Variants in PTPN3 observed in about 807,000 individuals in gnomAD.
The protein encoded by PTPN3 is protein tyrosine phosphatase non-receptor type 3.
A neutral mutation model predicts 132.7 loss-of-function variants in PTPN3; 96 were observed. That is an observed-to-expected ratio of 0.72 (90% CI 0.61 to 0.86). PTPN3 has a LOEUF of 0.86. PTPN3 is among the 40% of genes least tolerant of loss of function. PTPN3 has a pLI of 0.00. For synonymous variants in PTPN3, 398 were observed against 429.0 expected (o/e 0.93, Z 0.89); for missense variants, 1,125 against 1,159.6 (o/e 0.97, Z 0.43).
At chr9:109,478,719 A>C (rs1846811287) in intron 1 of PTPN3, among the ~76,000 whole-genome samples, 1 of 152,214 alleles carries the variant, frequency 6.6e-6, no homozygotes, top group Admixed American at 6.5e-5. Flanking sequence ...CAGGTAGAAC[A>C]ATCTTTTACA....
At chr9:109,477,903 T>C (rs1340886869) in intron 1 of PTPN3, among the ~76,000 whole-genome samples, 1 of 152,220 alleles carries the variant, frequency 6.6e-6, no homozygotes, top group Non-Finnish European at 1.5e-5. Context: ...ATAAGACTCT[T>C]GCTCACTCAC....
chr9:109,386,155 G>A (rs1839565750), intron 22 of PTPN3, among the ~76,000 whole-genome samples: 2 of 152,190 alleles, frequency 1.3e-5, no homozygotes, highest in Admixed American at 1.3e-4. Flanking sequence ...ATGAAGATGA[G>A]ATAGGAACTT....
intron 14 of PTPN3, among the ~76,000 whole-genome samples, chr9:109,416,443 TTTTGTTTC>T (rs1564415446): frequency 1.4e-5 from 2 of 141,368 alleles, no homozygotes; most frequent in African/African-American, 2.6e-5. Flanking sequence ...TTTTTTGTTT[TTTTGTTTC>T]TTTTTTTTTT....
intron 2 of PTPN3, among the ~76,000 whole-genome samples, chr9:109,461,939 C>T (rs1845862018): frequency 6.6e-6 from 1 of 152,170 alleles, no homozygotes; most frequent in Non-Finnish European, 1.5e-5. Context: ...AGAAACAGGT[C>T]ACAGGTATAC....
the PTPN3 span, among the ~76,000 whole-genome samples, chr9:109,536,461 T>G: frequency 6.6e-6 from 1 of 152,186 alleles, no homozygotes. Context: ...AATAATAGAG[T>G]ACATTCAAGA....
In PTPN3 at chr9:109,410,050, G is replaced by A. The variant is rs1039716410; in HGVS notation, c.1527C>T (p.Val509=). ...DKNDNGDSYL[V]LIRITPDEDG... Reference sequence around the variant, plus strand: ...CTTCATCTGGTGTGATACGGATCAAGACTAAGTAGCTGTCACCATTATCAT... The same window carrying A: ...CTTCATCTGGTGTGATACGGATCAAAACTAAGTAGCTGTCACCATTATCAT... Residue 509 remains valine, a synonymous_variant, in exon 16 of 26, where the codon GTC becomes GTT. Transcript: ENST00000374541. 1.9e-6 allele frequency: 3 copies of A among 1,614,088 alleles called. No individual in the cohort carries two copies. Among genetic ancestry groups the A allele is most frequent in the Non-Finnish European group, 2.5e-6 (3 of 1,180,042 alleles).
chr9:109,437,992 C>A, intron 8 of PTPN3, 122 bp downstream of exon 8: 5 of 1,249,052 alleles, frequency 4.0e-6, no homozygotes, highest in Non-Finnish European at 5.4e-6. Flanking sequence ...GTTCAAAAAC[C>A]CCCGACATCT....
chr9:109,508,861 C>G, the PTPN3 span, among the ~76,000 whole-genome samples: 1 of 152,028 alleles, frequency 6.6e-6, no homozygotes, highest in East Asian at 1.9e-4. Context: ...TGTCCCCCCC[C>G]CACCCACCAA....
chr9:109,450,140 T>G (rs923052419), intron 5 of PTPN3: 1 of 984,344 alleles, frequency 1.0e-6, no homozygotes, highest in Non-Finnish European at 1.2e-6. Flanking sequence ...TTAGGATCCA[T>G]GTCGTAACTC....
At chr9:109,401,577 A>T (rs534907892) in intron 19 of PTPN3, among the ~76,000 whole-genome samples, 2 of 152,316 alleles carry the variant, frequency 1.3e-5, no homozygotes, top group African/African-American at 4.8e-5. Flanking sequence ...TGCGTGAAGG[A>T]GGTTTCATGA....
intron 8 of PTPN3, 70 bp from the exon 9 acceptor site, chr9:109,437,040 T>C: frequency 6.3e-7 from 1 of 1,596,316 alleles, no homozygotes; most frequent in South Asian, 1.1e-5. Context: ...TTTTAAAAAA[T>C]CTAGAACATT....
the PTPN3 span, among the ~76,000 whole-genome samples, chr9:109,508,150 CT>C: frequency 6.9e-6 from 1 of 144,856 alleles, no homozygotes; most frequent in Non-Finnish European, 1.5e-5. Context: ...AGTATTTGAT[CT>C]GTTTCTCTCT....
At chr9:109,533,448 T>A in the PTPN3 span, 2,236 of 1,485,184 alleles carry the variant, frequency 1.5e-3, 23 homozygotes, top group African/African-American at 0.027. Context: ...ACCTGGCCGG[T>A]TTAGGGTTTT....
the PTPN3 span, among the ~76,000 whole-genome samples, chr9:109,512,182 G>A: frequency 5.3e-4 from 80 of 152,254 alleles, no homozygotes; most frequent in African/African-American, 1.8e-3. Context: ...CCACCTGGCC[G>A]TGCATCAGAA....
intron 1 of PTPN3, among the ~76,000 whole-genome samples, chr9:109,497,696 G>A (rs900578716): frequency 3.9e-5 from 6 of 152,184 alleles, no homozygotes; most frequent in African/African-American, 1.4e-4. Flanking sequence ...CGCGGAACGG[G>A]GAGGATTTAT....
intron 5 of PTPN3, chr9:109,449,906 C>T (rs1473786665): frequency 2.0e-6 from 2 of 985,318 alleles, no homozygotes; most frequent in African/African-American, 1.7e-5. Context: ...CTCCTATTTG[C>T]ACAGTTCCGG....
chr9:109,433,741 A>G (rs1843825368), intron 9 of PTPN3, among the ~76,000 whole-genome samples: 1 of 152,034 alleles, frequency 6.6e-6, no homozygotes, highest in Non-Finnish European at 1.5e-5. Context: ...CTCTGTCTCT[A>G]CAAAACAATA....
chr9:109,380,678 AACAAGATTTTCTGGGT>A (rs1292468188), intron 25 of PTPN3, among the ~76,000 whole-genome samples: 1 of 152,196 alleles, frequency 6.6e-6, no homozygotes, highest in African/African-American at 2.4e-5. Flanking sequence ...TTTTTCTCTT[AACAAGATTTTCTGGGT>A]ACAAACTAAT....
At chr9:109,503,440 C>T in the PTPN3 span, among the ~76,000 whole-genome samples, 1 of 152,174 alleles carries the variant, frequency 6.6e-6, no homozygotes, top group Non-Finnish European at 1.5e-5. Flanking sequence ...CAAGGTGGCT[C>T]ATGCTTGTAA....
Sources: allele counts gnomAD v4.1 joint callset (sites outside exome capture counted in the v4.1 genomes callset), GRCh38; gene constraint gnomAD v4.1.1; transcripts MANE v1.5; gene names NCBI Gene and HGNC (gene_info 2026-07-23, HGNC 2026-07-21).